FRMPD1: variants seen among roughly 807,000 people sequenced by gnomAD.
FRMPD1 encodes the protein FERM and PDZ domain containing 1.
In FRMPD1, 76 loss-of-function variants were observed where a neutral mutation model predicts 117.8. That is an observed-to-expected ratio of 0.65 (90% CI 0.54 to 0.78). FRMPD1 has a LOEUF of 0.78. FRMPD1 is among the 30% of genes least tolerant of loss of function. The pLI is 0.00. For missense variants in FRMPD1, 1,786 were observed against 1,964.5 expected, an observed-to-expected ratio of 0.91 and a Z score of 1.72; for synonymous variants, 783 against 770.4, an observed-to-expected ratio of 1.02 and a Z score of -0.27.
intron 1 of FRMPD1, among the ~76,000 whole-genome samples, chr9:37,653,584 C>T (rs946398854): frequency 4.6e-5 from 7 of 152,150 alleles, no homozygotes; most frequent in African/African-American, 1.7e-4. Context: ...AATCAGAAGG[C>T]TCAATCCCTG....
chr9:37,712,085 G>T (rs563790779), intron 5 of FRMPD1, among the ~76,000 whole-genome samples: 7 of 152,216 alleles, frequency 4.6e-5, no homozygotes, highest in African/African-American at 1.7e-4. Context: ...GGGGCATAGA[G>T]AATTTGAATA....
At chr9:37,685,515 G>C (rs978952311) in intron 1 of FRMPD1, among the ~76,000 whole-genome samples, 1 of 152,084 alleles carries the variant, frequency 6.6e-6, no homozygotes, top group East Asian at 1.9e-4. Context: ...AGCCGGGCGT[G>C]GTGGCGGGCG....
chr9:37,745,332 A>G lies in FRMPD1; in HGVS notation c.3300A>G (p.Thr1100=). 1 of 1,612,588 alleles carries G rather than the reference A, an allele frequency of 6.2e-7. No individual in the cohort carries two copies. ...NPGEKIASIP[T]KEEPQGQLSL... is the part of the protein sequence containing the mutation. ...GAGAGAAGATAGCTTCTATCCCTACAAAGGAAGAGCCACAAGGACAACTAT... is the reference window on the plus strand; with the variant it reads ...GAGAGAAGATAGCTTCTATCCCTACGAAGGAAGAGCCACAAGGACAACTAT... The change falls in exon 16 of 16, where the codon ACA becomes ACG. Residue 1100 remains threonine, a synonymous_variant. Transcript: ENST00000377765.
the FRMPD1 span, among the ~76,000 whole-genome samples, chr9:37,620,996 C>T: frequency 0.028 from 4,209 of 152,236 alleles, 199 homozygotes; most frequent in African/African-American, 0.097. Flanking sequence ...TTTCAGTTTG[C>T]ATGTTACCTA....
intron 1 of FRMPD1, among the ~76,000 whole-genome samples, chr9:37,676,508 T>A (rs1821534108): frequency 6.6e-6 from 1 of 152,158 alleles, no homozygotes; most frequent in Admixed American, 6.5e-5. Flanking sequence ...GAGTTGGCAT[T>A]CATTCACAGC....
intron 5 of FRMPD1, among the ~76,000 whole-genome samples, chr9:37,716,829 G>T (rs1032386374): frequency 2.6e-5 from 4 of 152,084 alleles, no homozygotes; most frequent in African/African-American, 9.7e-5. Flanking sequence ...AGTTTCTCAT[G>T]CACCCTCTTT....
chr9:37,694,869 G>C (rs1369841239), intron 2 of FRMPD1, among the ~76,000 whole-genome samples: 2 of 152,090 alleles, frequency 1.3e-5, no homozygotes, highest in Non-Finnish European at 2.9e-5. Context: ...ACATGGATCA[G>C]TATGACATGT....
chr9:37,691,598 T>A (rs1241361164), intron 1 of FRMPD1, among the ~76,000 whole-genome samples: 1 of 152,250 alleles, frequency 6.6e-6, no homozygotes, highest in Non-Finnish European at 1.5e-5. Flanking sequence ...TGTTCCAAGA[T>A]AATTTTTTTA....
At chr9:37,706,181 A>G (rs1157768909) in intron 2 of FRMPD1, among the ~76,000 whole-genome samples, 1 of 152,050 alleles carries the variant, frequency 6.6e-6, no homozygotes, top group East Asian at 1.9e-4. Context: ...CTATTCATAC[A>G]GATCCTAAAT....
At chr9:37,710,002 G>A (rs1375274312) in intron 4 of FRMPD1, among the ~76,000 whole-genome samples, 1 of 152,140 alleles carries the variant, frequency 6.6e-6, no homozygotes, top group African/African-American at 2.4e-5. Context: ...CTTTTTTTAA[G>A]CTTAGTTCCC....
At position 37,701,823 on chromosome 9, in the gene FRMPD1, G is replaced by A. The variant is rs1337921485; in HGVS notation, c.102-5593G>A. ...CATTCAGGAAAGATGAGAATGGAAA[G>A]TGGGGAGACCAGTTAGCAGCCTAGT... On this transcript the variant is annotated intron_variant, in intron 2 of 15. Transcript: ENST00000377765. 2.0e-5 allele frequency among the ~76,000 whole-genome samples: 3 copies of A among 152,154 alleles called. No individual in the cohort carries two copies. The East Asian group carries it at 5.8e-4, about 29-fold the overall frequency.
the FRMPD1 span, among the ~76,000 whole-genome samples, chr9:37,636,482 A>G: frequency 2.0e-5 from 3 of 152,154 alleles, no homozygotes; most frequent in African/African-American, 7.2e-5. Context: ...GCCTGGCCAC[A>G]GGTCCTGAGT....
chr9:37,637,243 T>A, the FRMPD1 span: 2 of 1,610,128 alleles, frequency 1.2e-6, no homozygotes, highest in Non-Finnish European at 1.7e-6. Context: ...TGCCCACGCC[T>A]GAGTCGCCAA....
At chr9:37,684,311 A>G (rs532436904) in intron 1 of FRMPD1, among the ~76,000 whole-genome samples, 1 of 152,362 alleles carries the variant, frequency 6.6e-6, no homozygotes, top group South Asian at 2.1e-4. Context: ...TTCATGCCTC[A>G]GTTTCCTTTT....
intron 1 of FRMPD1, 52 bp from the exon 2 acceptor site, chr9:37,692,585 TC>T (rs1822177917): frequency 9.6e-6 from 11 of 1,148,128 alleles, no homozygotes; most frequent in African/African-American, 1.5e-5. Flanking sequence ...TTTATCAAAA[TC>T]CTCTTTAGAG....
the FRMPD1 span, among the ~76,000 whole-genome samples, chr9:37,643,944 C>T: frequency 6.6e-6 from 1 of 152,284 alleles, no homozygotes; most frequent in East Asian, 1.9e-4. Context: ...GTGTAGTTTG[C>T]TTATTGCAAG....
Position 37,746,581 on chromosome 9 carries a change from C to T in FRMPD1, c.4549C>T (p.His1517Tyr). ...AGACTGTAGCCGCTGCTCCGCCCGG[C>T]ACAGGGAGGCAGCGGGGAACCTGAG... is the stretch of plus-strand genomic sequence containing the variant. ...FTDCSRCSAR[H>Y]REAAGNLRDV... The change falls in exon 16 of 16, where the codon CAC becomes TAC. Residue 1517 changes from histidine (H) to tyrosine (Y), a missense_variant. By Grantham distance (83) the His-to-Tyr change is moderately conservative. Transcript: ENST00000377765. The T allele has an allele frequency of 6.2e-7, 1 of 1,613,874 alleles. No homozygotes were observed. Among genetic ancestry groups the T allele is most frequent in the Non-Finnish European group, 8.5e-7 (1 of 1,179,994 alleles).
Position 37,733,803 on chromosome 9 carries a change from G to A in FRMPD1, c.1196G>A (p.Arg399Lys). Residue 399 changes from arginine to lysine, a missense_variant, in exon 12 of 16, where the codon AGA becomes AAA. Arg to Lys is a conservative substitution (Grantham distance 26, BLOSUM62 2). Transcript: ENST00000377765. ...ILGELKTYGG[R>K]IFNATLMLQD... ...GGAGAACTCAAGACATATGGTGGAAGAATCTTTAATGCTACTTTAATGGTA... is the reference window on the plus strand; with the variant it reads ...GGAGAACTCAAGACATATGGTGGAAAAATCTTTAATGCTACTTTAATGGTA... The A allele has an allele frequency of 6.3e-7, 1 of 1,580,012 alleles. No individual in the cohort carries two copies. The highest frequency in any genetic ancestry group is 1.7e-5 in the Admixed American group (1 of 59,970).
At chr9:37,632,632 A>T in the FRMPD1 span, among the ~76,000 whole-genome samples, 1 of 151,796 alleles carries the variant, frequency 6.6e-6, no homozygotes, top group East Asian at 1.9e-4. Flanking sequence ...TAGAGAAAAA[A>T]CCTTTTTGTG....
Sources: gnomAD v4.1 joint callset for allele counts (sites outside exome capture counted in the v4.1 genomes callset) on GRCh38, gnomAD v4.1.1 for gene constraint, MANE v1.5 for transcripts, NCBI Gene and HGNC (gene_info 2026-07-23, HGNC 2026-07-21) for gene names.